SGCD: variants seen among roughly 807,000 people sequenced by gnomAD.
The protein encoded by SGCD is sarcoglycan delta, also known as delta-sarcoglycan.
In SGCD, 18 loss-of-function variants were observed where a neutral mutation model predicts 36.6. The observed-to-expected ratio is 0.49, with a 90% confidence interval of 0.34 to 0.73. The LOEUF is 0.73. Ranked by LOEUF, SGCD falls within the 30% of genes least tolerant of loss-of-function variation. The probability of loss-of-function intolerance (pLI) is 0.01; values close to 1 mark genes in which losing one functional copy is unlikely to be tolerated. For synonymous variants in SGCD, 133 were observed against 130.6 expected, an observed-to-expected ratio of 1.02 and a Z score of -0.12; for missense variants, 387 against 346.7, an observed-to-expected ratio of 1.12 and a Z score of -0.92.
chr5:156,552,787 G>A (rs1758850954), intron 4 of SGCD, among the ~76,000 whole-genome samples: 1 of 152,154 alleles, frequency 6.6e-6, no homozygotes, highest in Admixed American at 6.5e-5. Context: ...TCCTCTGTTT[G>A]TCTTCAGCCC....
At chr5:156,177,047 G>C (rs552470256) in intron 3 of SGCD, among the ~76,000 whole-genome samples, 5 of 152,214 alleles carry the variant, frequency 3.3e-5, no homozygotes, top group Non-Finnish European at 7.4e-5. Flanking sequence ...TGTTGCCCAG[G>C]CTGGAGTGAG....
chr5:156,684,391 C>T (rs985450394), intron 7 of SGCD, among the ~76,000 whole-genome samples: 1 of 152,216 alleles, frequency 6.6e-6, no homozygotes, highest in Non-Finnish European at 1.5e-5. Context: ...TAGTCTTTCA[C>T]ACCTTGACCT....
chr5:155,842,249 T>A, the SGCD span, among the ~76,000 whole-genome samples: 1 of 150,424 alleles, frequency 6.6e-6, no homozygotes, highest in Non-Finnish European at 1.5e-5. Flanking sequence ...TTGAGGTGTT[T>A]TTTTTTTTTT....
intron 3 of SGCD, among the ~76,000 whole-genome samples, chr5:156,489,068 G>A (rs1016114185): frequency 1.3e-5 from 2 of 151,792 alleles, no homozygotes; most frequent in African/African-American, 4.8e-5. Flanking sequence ...AAGAAGCAGG[G>A]GTAGCTTTTC....
intron 1 of SGCD, among the ~76,000 whole-genome samples, chr5:155,922,663 G>A (rs139809813): frequency 3.7e-4 from 57 of 152,244 alleles, no homozygotes; most frequent in African/African-American, 1.3e-3. Context: ...CTGTGTGTGT[G>A]GGTATATTTT....
chr5:156,324,378 A>G (rs1475460308), upstream of SGCD, among the ~76,000 whole-genome samples: 2 of 152,238 alleles, frequency 1.3e-5, no homozygotes, highest in Non-Finnish European at 2.9e-5. Flanking sequence ...ACTATCTTCA[A>G]CAAATGACAT....
intron 1 of SGCD, among the ~76,000 whole-genome samples, chr5:156,009,440 T>C (rs1286183605): frequency 1.3e-5 from 2 of 152,164 alleles, no homozygotes; most frequent in East Asian, 3.9e-4. Flanking sequence ...TACTACTGGT[T>C]GGTACTTCTC....
rs970113177 is a variant in SGCD at position 156,762,427 on chromosome 5, T to A, written c.*3037T>A. ...TCACAGAGGTTTTCAAAAGCCCTTATGGTGACATCTACCTAGGTAAAAGCC... is the reference window on the plus strand; with the variant it reads ...TCACAGAGGTTTTCAAAAGCCCTTAAGGTGACATCTACCTAGGTAAAAGCC... On this transcript the variant is annotated 3_prime_UTR_variant, in exon 9 of 9. Transcript: ENST00000337851. 1 of 152,672 alleles carries A rather than the reference T, an allele frequency of 6.5e-6. No homozygotes were observed. The highest frequency in any genetic ancestry group is 1.5e-5 in the Non-Finnish European group (1 of 68,036). The allele number at this position is 152,672 out of a possible 1,614,324, so 9.5% of individuals were successfully genotyped here.
At chr5:156,257,725 G>A (rs935724109) in intron 3 of SGCD, among the ~76,000 whole-genome samples, 3 of 151,912 alleles carry the variant, frequency 2.0e-5, no homozygotes, top group East Asian at 1.9e-4. Context: ...TTAGTCAGGT[G>A]TGATAGGGCA....
chr5:156,720,746 A>G (rs1755455696), intron 7 of SGCD, among the ~76,000 whole-genome samples: 1 of 152,162 alleles, frequency 6.6e-6, no homozygotes, highest in African/African-American at 2.4e-5. Context: ...AATTCACTCA[A>G]AGTTACCTTT....
In SGCD at chr5:156,444,099, TCTCTCTCTCTCTCTCTCC is replaced by T. The variant is rs1159307189; in HGVS notation, c.193-64500_193-64483del. 1.0e-3 allele frequency among the ~76,000 whole-genome samples: 120 copies of T among 115,746 alleles called. 3 individuals carry two copies. The highest frequency in any genetic ancestry group is 5.9e-3 in the East Asian group (19 of 3,216). The allele number at this position is 115,746 out of a possible 152,430, so 75.9% of individuals were successfully genotyped here. A position where few individuals can be genotyped will look rare whatever the true frequency, so the allele number is the denominator to read the frequency against. On this transcript the variant is annotated intron_variant, in intron 3 of 8. Transcript: ENST00000337851. ...CTCTCTCTCTCTCTCTCTCTCTCTC[TCTCTCTCTCTCTCTCTCC>T]CCTTCCCTCTCTCTCTCTCTCCTTC...
At chr5:156,246,292 C>G (rs1561582325) in intron 3 of SGCD, among the ~76,000 whole-genome samples, 1 of 152,042 alleles carries the variant, frequency 6.6e-6, no homozygotes, top group East Asian at 1.9e-4. Flanking sequence ...AGCTGTAGTT[C>G]CATAAAATCA....
chr5:156,422,439 C>T (rs1057349330), intron 3 of SGCD, among the ~76,000 whole-genome samples: 3 of 151,944 alleles, frequency 2.0e-5, no homozygotes, highest in Admixed American at 2.0e-4. Flanking sequence ...TTGCTTTTTC[C>T]ACTTCCCATT....
chr5:156,061,034 C>T (rs1037290563), intron 1 of SGCD, among the ~76,000 whole-genome samples: 1 of 145,308 alleles, frequency 6.9e-6, no homozygotes, highest in African/African-American at 2.5e-5. Flanking sequence ...AAAATCTATT[C>T]ATTCCTGAAA....
chr5:156,152,197 AC>A (rs1206982459), intron 3 of SGCD, among the ~76,000 whole-genome samples: 3 of 151,634 alleles, frequency 2.0e-5, no homozygotes, highest in Non-Finnish European at 4.4e-5. Flanking sequence ...TTGCTGGTTA[AC>A]CTTTTTCTTT....
chr5:156,204,567 T>C (rs1027695697), intron 3 of SGCD, among the ~76,000 whole-genome samples: 2 of 152,054 alleles, frequency 1.3e-5, no homozygotes, highest in Non-Finnish European at 2.9e-5. Context: ...AAATGAATGA[T>C]GTAGGCATAT....
chr5:155,984,095 C>G (rs182674242), intron 1 of SGCD, among the ~76,000 whole-genome samples: 7 of 152,280 alleles, frequency 4.6e-5, no homozygotes, highest in Admixed American at 3.9e-4. Context: ...TAATCATAAC[C>G]ATGATTATTT....
At chr5:156,269,514 T>C (rs1293972518) in intron 3 of SGCD, among the ~76,000 whole-genome samples, 1 of 95,014 alleles carries the variant, frequency 1.1e-5, no homozygotes, top group African/African-American at 4.2e-5. Context: ...AAAAAAACCA[T>C]CAGATCTCAT....
chr5:156,174,416 T>C (rs557039168), intron 3 of SGCD, among the ~76,000 whole-genome samples: 6 of 152,158 alleles, frequency 3.9e-5, no homozygotes, highest in Admixed American at 1.3e-4. Context: ...TGGAGCATGG[T>C]GAACTGTGGG....
Sources: allele counts gnomAD v4.1 joint callset (sites outside exome capture counted in the v4.1 genomes callset), GRCh38; gene constraint gnomAD v4.1.1; transcripts MANE v1.5; gene names NCBI Gene and HGNC (gene_info 2026-07-23, HGNC 2026-07-21).